Variants in NR2C2 observed in about 807,000 individuals in gnomAD.
NR2C2 encodes Nuclear hormone receptor TR4.
In NR2C2, 6 loss-of-function variants were observed where a neutral mutation model predicts 62.9. That is an observed-to-expected ratio of 0.10 (90% CI 0.05 to 0.19). The LOEUF (loss-of-function observed/expected upper bound fraction) is 0.19, where lower values mean the gene tolerates loss of function less well. Among genes scored for constraint, NR2C2 ranks in the 10% least tolerant of loss-of-function variants. The probability of loss-of-function intolerance (pLI) is 1.00; values close to 1 mark genes in which losing one functional copy is unlikely to be tolerated. For synonymous variants in NR2C2, 272 were observed against 273.8 expected, an observed-to-expected ratio of 0.99 and a Z score of 0.07; for missense variants, 479 against 762.7, an observed-to-expected ratio of 0.63 and a Z score of 4.38.
In NR2C2 at chr3:14,988,696, T is replaced by C. The variant is rs946460771; in HGVS notation, c.-39-15180T>C. On this transcript the variant is annotated intron_variant, in intron 1 of 13. Transcript: ENST00000425241. Reference sequence around the variant, plus strand: ...ATAGTTGTTGAGGTGAAGGGACTTATAGTCAAAGGAGAATCATCATCTCTT... The same window carrying C: ...ATAGTTGTTGAGGTGAAGGGACTTACAGTCAAAGGAGAATCATCATCTCTT... Among the ~76,000 whole-genome samples, 53 of 152,350 alleles carry C rather than the reference T, an allele frequency of 3.5e-4. 1 individual carries two copies. Among genetic ancestry groups the C allele is most frequent in the South Asian group, 1.0e-3 (5 of 4,824 alleles).
intron 5 of NR2C2, 43 bp from the exon 6 acceptor site, chr3:15,023,157 G>T: frequency 6.2e-7 from 1 of 1,604,162 alleles, no homozygotes; most frequent in East Asian, 2.2e-5. Flanking sequence ...TTTATTGATT[G>T]GAATTGTTTC....
intron 1 of NR2C2, among the ~76,000 whole-genome samples, chr3:14,977,718 A>C (rs1454436729): frequency 1.3e-5 from 2 of 152,222 alleles, no homozygotes; most frequent in African/African-American, 2.4e-5. Context: ...TAATCCTAGC[A>C]CTTTGGGAGG....
chr3:14,949,263 C>T (rs547380372), intron 1 of NR2C2, among the ~76,000 whole-genome samples: 1 of 152,254 alleles, frequency 6.6e-6, no homozygotes, highest in South Asian at 2.1e-4. Context: ...TGAAGAAGAC[C>T]TGAGGCGTTA....
intron 1 of NR2C2, among the ~76,000 whole-genome samples, chr3:14,986,173 A>G (rs551411639): frequency 1.4e-3 from 216 of 152,228 alleles, no homozygotes; most frequent in African/African-American, 4.9e-3. Context: ...AAAAGCATTC[A>G]TATGCAAATA....
At chr3:15,004,614 G>A in intron 2 of NR2C2, 1 of 1,612,136 alleles carries the variant, frequency 6.2e-7, no homozygotes, top group Non-Finnish European at 8.5e-7. Flanking sequence ...CAAAGAGAAG[G>A]TAGGTGTATC....
chr3:14,959,363 T>C (rs1683259997), intron 1 of NR2C2, among the ~76,000 whole-genome samples: 1 of 152,232 alleles, frequency 6.6e-6, no homozygotes, highest in Non-Finnish European at 1.5e-5. Context: ...GAGAATAGGC[T>C]ATATGGTTTG....
intron 11 of NR2C2, among the ~76,000 whole-genome samples, chr3:15,036,073 C>G (rs1314771434): frequency 6.6e-6 from 1 of 151,986 alleles, no homozygotes; most frequent in Non-Finnish European, 1.5e-5. Flanking sequence ...GCCTGTAATT[C>G]CAGCTACTCG....
intron 1 of NR2C2, among the ~76,000 whole-genome samples, chr3:14,970,010 G>C (rs1295284549): frequency 3.3e-5 from 5 of 152,122 alleles, no homozygotes; most frequent in Non-Finnish European, 7.3e-5. Context: ...GATTAATCCT[G>C]CCCTCTAACT....
In NR2C2 at chr3:14,999,024, A is replaced by AT. The variant is rs111921178; in HGVS notation, c.-39-4844dup. On this transcript the variant is annotated intron_variant, in intron 1 of 13. Coordinates refer to ENST00000425241, the MANE Select transcript of NR2C2 (RefSeq NM_001291694.2). ...CCGTGTCTCAAAAAACAAAAAAAAA[A>AT]TTTTTTTTAAGGCCAGGTGCAGTGG... Among the ~76,000 whole-genome samples, 631 of 151,906 alleles carry AT rather than the reference A, an allele frequency of 4.2e-3. 1 individual carries two copies. The highest frequency in any genetic ancestry group is 0.014 in the African/African-American group (597 of 41,432).
chr3:14,953,066 A>G (rs1356999312), intron 1 of NR2C2, among the ~76,000 whole-genome samples: 1 of 152,194 alleles, frequency 6.6e-6, no homozygotes, highest in Non-Finnish European at 1.5e-5. Flanking sequence ...ATGGGAGGTG[A>G]ATTGTTAAGG....
intron 1 of NR2C2, among the ~76,000 whole-genome samples, chr3:15,001,509 T>G (rs2041001938): frequency 6.6e-6 from 1 of 151,750 alleles, no homozygotes; most frequent in South Asian, 2.1e-4. Context: ...TATTTTTGTG[T>G]TTTTTAGTAG....
At chr3:15,032,030 CCT>C (rs2041994054) in intron 9 of NR2C2, among the ~76,000 whole-genome samples, 1 of 152,156 alleles carries the variant, frequency 6.6e-6, no homozygotes, top group Non-Finnish European at 1.5e-5. Context: ...GCACCTGGCC[CCT>C]GTTCCCCAGA....
At chr3:15,023,983 C>A in intron 6 of NR2C2, 132 bp from the exon 7 acceptor site, 1 of 664,800 alleles carries the variant, frequency 1.5e-6, no homozygotes, top group Non-Finnish European at 2.6e-6. Context: ...AGTCACTAAG[C>A]GGCTGAGTCT....
chr3:15,038,356 C>T (rs1381373658), intron 12 of NR2C2: 4 of 434,406 alleles, frequency 9.2e-6, no homozygotes, highest in South Asian at 8.3e-5. Flanking sequence ...GATGATGTCA[C>T]GCACTGAATA....
At chr3:14,979,920 A>G (rs2040315788) in intron 1 of NR2C2, among the ~76,000 whole-genome samples, 1 of 152,110 alleles carries the variant, frequency 6.6e-6, no homozygotes, top group South Asian at 2.1e-4. Context: ...TTGAATCACA[A>G]GCCTACCGAT....
chr3:15,035,081 C>G (rs2042072152), intron 11 of NR2C2, among the ~76,000 whole-genome samples: 1 of 152,098 alleles, frequency 6.6e-6, no homozygotes, highest in Non-Finnish European at 1.5e-5. Flanking sequence ...CACTTGAGCC[C>G]AGGAGTTTGA....
intron 4 of NR2C2, among the ~76,000 whole-genome samples, chr3:15,017,341 G>A (rs756646313): frequency 2.4e-4 from 36 of 152,174 alleles, no homozygotes; most frequent in Non-Finnish European, 4.1e-4. Context: ...AGACAGTGCT[G>A]CTTGTGATTC....
At chr3:14,968,320 C>T (rs199968785) in intron 1 of NR2C2, among the ~76,000 whole-genome samples, 1 of 152,080 alleles carries the variant, frequency 6.6e-6, no homozygotes, top group Non-Finnish European at 1.5e-5. Context: ...AAAAAGTGGG[C>T]AAAGGACATG....
At chr3:15,002,498 T>C (rs961435568) in intron 1 of NR2C2, among the ~76,000 whole-genome samples, 1 of 152,098 alleles carries the variant, frequency 6.6e-6, no homozygotes, top group Non-Finnish European at 1.5e-5. Flanking sequence ...GGATTGTTTG[T>C]GTTTCTATTC....
Sources: gnomAD v4.1 joint callset for allele counts (sites outside exome capture counted in the v4.1 genomes callset) on GRCh38, gnomAD v4.1.1 for gene constraint, MANE v1.5 for transcripts, NCBI Gene and HGNC (gene_info 2026-07-23, HGNC 2026-07-21) for gene names.